SNTG1: variants seen among roughly 807,000 people sequenced by gnomAD.
SNTG1 encodes gamma-1-syntrophin.
In SNTG1, 39 loss-of-function variants were observed where a neutral mutation model predicts 74.7. The observed-to-expected ratio is 0.52, with a 90% CI of 0.40 to 0.68. The LOEUF (loss-of-function observed/expected upper bound fraction) is 0.68. SNTG1 is among the 30% of genes least tolerant of loss of function. SNTG1 has a pLI of 0.00. For synonymous variants in SNTG1, 254 were observed against 217.1 expected, an observed-to-expected ratio of 1.17 and a Z score of -1.49; for missense variants, 685 against 609.5, an observed-to-expected ratio of 1.12 and a Z score of -1.30.
At chr8:49,910,368 C>A (rs531499741), upstream of SNTG1, among the ~76,000 whole-genome samples, 2 of 152,074 alleles carry the variant, frequency 1.3e-5, no homozygotes, top group Non-Finnish European at 2.9e-5. Flanking sequence ...TATCAATAAC[C>A]TCCTTGTGCA....
At chr8:49,983,054 T>C (rs1054147665) in intron 1 of SNTG1, among the ~76,000 whole-genome samples, 2 of 152,212 alleles carry the variant, frequency 1.3e-5, no homozygotes, top group Non-Finnish European at 2.9e-5. Context: ...TTTCCTCTCA[T>C]CCCTACCCAA....
At position 50,196,295 on chromosome 8, in the gene SNTG1, G is replaced by A. The variant is rs559553991; in HGVS notation, c.-28+23660G>A. Among the ~76,000 whole-genome samples, 403 of 152,200 alleles carry A rather than the reference G, an allele frequency of 2.6e-3. 2 individuals are homozygous for A. Among genetic ancestry groups the A allele is most frequent in the African/African-American group, 8.7e-3 (360 of 41,520 alleles). The stretch of plus-strand genomic sequence containing the variant: ...TTTTATGGCTAGCAACTGGTATCTC[G>A]TAATCCATGCAACTGTCTCAGAATT... On this transcript the variant is annotated intron_variant, in intron 2 of 18. Transcript: ENST00000642720.
At chr8:50,619,371 G>T (rs2131032795) in intron 13 of SNTG1, among the ~76,000 whole-genome samples, 1 of 152,142 alleles carries the variant, frequency 6.6e-6, no homozygotes, top group African/African-American at 2.4e-5. Flanking sequence ...TCAGTGTTGG[G>T]TGCTCTTATT....
At chr8:50,065,859 T>C (rs1820856191) in intron 1 of SNTG1, among the ~76,000 whole-genome samples, 2 of 150,172 alleles carry the variant, frequency 1.3e-5, no homozygotes. Context: ...CTTCCTAGGA[T>C]GTTTTGTCTA....
chr8:49,994,707 T>A, intron 1 of SNTG1, among the ~76,000 whole-genome samples: 1 of 152,154 alleles, frequency 6.6e-6, no homozygotes, highest in Non-Finnish European at 1.5e-5. Flanking sequence ...CTACTCATTT[T>A]TTTTTTCTCT....
chr8:50,227,487 T>C (rs548159921), intron 2 of SNTG1, among the ~76,000 whole-genome samples: 4 of 152,222 alleles, frequency 2.6e-5, no homozygotes, highest in African/African-American at 9.6e-5. Context: ...CTCACTCTAG[T>C]TCCCTTTAGC....
At chr8:50,207,881 T>G (rs112663503) in intron 2 of SNTG1, among the ~76,000 whole-genome samples, 1 of 152,286 alleles carries the variant, frequency 6.6e-6, no homozygotes, top group African/African-American at 2.4e-5. Context: ...AAATTTTGAG[T>G]GAGTTTCTTA....
intron 2 of SNTG1, among the ~76,000 whole-genome samples, chr8:50,376,383 C>A (rs1353434838): frequency 6.6e-6 from 1 of 151,964 alleles, no homozygotes; most frequent in Non-Finnish European, 1.5e-5. Flanking sequence ...GTTTTCTTTG[C>A]AGCAGTAGTA....
intron 1 of SNTG1, among the ~76,000 whole-genome samples, chr8:49,972,336 C>G (rs1214780597): frequency 1.3e-5 from 2 of 152,100 alleles, no homozygotes; most frequent in African/African-American, 4.8e-5. Flanking sequence ...AAACTGGATC[C>G]CTTCCTTACA....
intron 2 of SNTG1, among the ~76,000 whole-genome samples, chr8:50,285,490 C>A (rs2088717963): frequency 6.6e-6 from 1 of 152,118 alleles, no homozygotes; most frequent in Non-Finnish European, 1.5e-5. Context: ...AAAAGAGCAA[C>A]TCCTTTGTAG....
intron 1 of SNTG1, among the ~76,000 whole-genome samples, chr8:50,113,286 T>A (rs1299359177): frequency 6.6e-6 from 1 of 152,186 alleles, no homozygotes; most frequent in Non-Finnish European, 1.5e-5. Context: ...TGAGCAGTGG[T>A]CTGTAGTTCT....
chr8:50,711,418 G>A (rs2095461361), intron 17 of SNTG1, among the ~76,000 whole-genome samples: 1 of 152,102 alleles, frequency 6.6e-6, no homozygotes, highest in Non-Finnish European at 1.5e-5. Context: ...TACTACAGAA[G>A]CAAACCAAAG....
At chr8:50,305,169 A>T (rs953282745) in intron 2 of SNTG1, among the ~76,000 whole-genome samples, 1 of 152,018 alleles carries the variant, frequency 6.6e-6, no homozygotes, top group African/African-American at 2.4e-5. Context: ...GAGCTCTTGT[A>T]TGTTGAAAGG....
intron 13 of SNTG1, among the ~76,000 whole-genome samples, chr8:50,598,381 GTTGGCTATAAGTGTA>G (rs1291864919): frequency 6.6e-6 from 1 of 151,828 alleles, no homozygotes; most frequent in Non-Finnish European, 1.5e-5. Context: ...TGACACTTTT[GTTGGCTATAAGTGTA>G]TTGATTTATT....
chr8:50,101,440 C>T (rs898141234), intron 1 of SNTG1, among the ~76,000 whole-genome samples: 5 of 152,006 alleles, frequency 3.3e-5, no homozygotes, highest in Admixed American at 6.6e-5. Context: ...TCTTCAGCAT[C>T]GTTATTCTTT....
intron 1 of SNTG1, among the ~76,000 whole-genome samples, chr8:50,150,116 G>C (rs1300935390): frequency 6.6e-6 from 1 of 152,068 alleles, no homozygotes; most frequent in African/African-American, 2.4e-5. Context: ...CACATCCCTT[G>C]TAAGTTGGAT....
At chr8:49,982,754 C>T (rs573054805) in intron 1 of SNTG1, among the ~76,000 whole-genome samples, 207 of 151,980 alleles carry the variant, frequency 1.4e-3, no homozygotes, top group African/African-American at 4.5e-3. Flanking sequence ...TAGTTTAGAT[C>T]ATTCCTAGTT....
intron 2 of SNTG1, among the ~76,000 whole-genome samples, chr8:50,235,705 C>A (rs917459791): frequency 1.2e-4 from 19 of 152,002 alleles, no homozygotes; most frequent in African/African-American, 4.6e-4. Flanking sequence ...AGAAGTAAGT[C>A]AAAGATTTGA....
chr8:50,239,204 G>A (rs776535703), intron 2 of SNTG1, among the ~76,000 whole-genome samples: 1 of 152,164 alleles, frequency 6.6e-6, no homozygotes, highest in Non-Finnish European at 1.5e-5. Flanking sequence ...GTTCATCACA[G>A]CACTATTCAG....
Sources: allele counts gnomAD v4.1 joint callset (sites outside exome capture counted in the v4.1 genomes callset), GRCh38; gene constraint gnomAD v4.1.1; transcripts MANE v1.5; gene names NCBI Gene and HGNC (gene_info 2026-07-23, HGNC 2026-07-21).